Variants in HSPG2 observed in about 807,000 individuals in gnomAD.
HSPG2 encodes basement membrane-specific heparan sulfate proteoglycan core protein.
A neutral mutation model predicts 526.6 loss-of-function variants in HSPG2; 278 were observed. That is an observed-to-expected ratio of 0.53 (90% confidence interval 0.48 to 0.58). The LOEUF (loss-of-function observed/expected upper bound fraction) is 0.58. Ranked by LOEUF, HSPG2 falls within the 20% of genes least tolerant of loss-of-function variation. The pLI, the probability that HSPG2 is intolerant of heterozygous loss-of-function variation, is 0.00. For missense variants in HSPG2, 5,354 were observed against 6,099.5 expected (o/e 0.88, Z 4.07); for synonymous variants, 2,465 against 2,555.4 (o/e 0.96, Z 1.07).
At position 21,831,536 on chromosome 1, in the gene HSPG2, G is replaced by A. The variant is rs371570218; in HGVS notation, c.11379C>T (p.Asn3793=). The A allele has an allele frequency of 4.2e-5, 67 of 1,614,016 alleles. No homozygotes were observed. Among genetic ancestry groups the A allele is most frequent in the African/African-American group, 2.7e-5 (2 of 74,926 alleles). Residue 3793 remains asparagine (N), a synonymous_variant, in exon 83 of 97, where the codon AAC becomes AAT. Coordinates refer to ENST00000374695, the MANE Select transcript of HSPG2 (RefSeq NM_005529.7). ...SQGKFQGLDL[N]EELYLGGYPD... ...GATAGCCACCCAGGTAGAGTTCCTCGTTCAGATCCAGGCCCTGGAACTTGC... is the reference window on the plus strand; with the variant it reads ...GATAGCCACCCAGGTAGAGTTCCTCATTCAGATCCAGGCCCTGGAACTTGC...
In HSPG2 at chr1:21,874,745, T is replaced by C. The variant is rs767471352; in HGVS notation, c.3415-16A>G. The stretch of plus-strand genomic sequence containing the variant: ...TGTCACAGTCCTGGGGGCAGAAAGA[T>C]GGCAGTGGGAGGGACTTCCGAACAC... On this transcript the variant is annotated splice_polypyrimidine_tract_variant and intron_variant, in intron 26 of 96. Coordinates refer to ENST00000374695, the MANE Select transcript of HSPG2 (RefSeq NM_005529.7). 1.3e-5 allele frequency: 21 copies of C among 1,585,092 alleles called. No individual in the cohort carries two copies. Among genetic ancestry groups the C allele is most frequent in the Non-Finnish European group, 1.8e-5 (21 of 1,164,020 alleles).
chr1:21,862,756 G>A (rs1039198909), intron 37 of HSPG2, among the ~76,000 whole-genome samples: 23 of 151,992 alleles, frequency 1.5e-4, no homozygotes, highest in Non-Finnish European at 2.9e-4. Context: ...TATACACTCA[G>A]GTATTTGGGG....
At position 21,829,009 on chromosome 1, in the gene HSPG2, G is replaced by C; in HGVS notation, c.12063C>G (p.Leu4021=). ...GRWHRVSAER[L]NKDGSLRVNG... The stretch of plus-strand genomic sequence containing the variant: ...TCACCCGCAGGCTGCCGTCCTTGTT[G>C]AGACGCTCTGCAGACACACGGTGCC... The change falls in exon 88 of 97, where the codon CTC becomes CTG. Residue 4021 remains leucine, a synonymous_variant. Coordinates refer to ENST00000374695, the MANE Select transcript of HSPG2 (RefSeq NM_005529.7). The C allele has an allele frequency of 6.4e-7, 1 of 1,562,672 alleles. No individual in the cohort carries two copies. Among genetic ancestry groups the C allele is most frequent in the Non-Finnish European group, 8.7e-7 (1 of 1,154,224 alleles).
intron 50 of HSPG2, among the ~76,000 whole-genome samples, 159 bp from the exon 51 acceptor site, chr1:21,853,229 C>T (rs997826069): frequency 4.6e-5 from 7 of 152,194 alleles, no homozygotes; most frequent in South Asian, 2.1e-4. Flanking sequence ...CATGGCCAGC[C>T]GAATATGGCT....
In HSPG2 at chr1:21,875,491, A is replaced by G. The variant is rs951272384; in HGVS notation, c.3302+138T>C. 3 of 741,022 alleles carry G rather than the reference A, an allele frequency of 4.0e-6. No homozygotes were observed. In the Admixed American group the frequency reaches 6.0e-5, roughly 15 times the overall value. 45.9% of individuals were successfully genotyped at this position (741,022 alleles called of 1,614,324 possible). A position where few individuals can be genotyped will look rare whatever the true frequency, so the allele number is the denominator to read the frequency against. ...ACCAGCCTGTATGGGAGACATTGTT[A>G]AGACTCTCCGTTTTACAGACAGGGA... On this transcript the variant is annotated intron_variant, in intron 25 of 96. Coordinates refer to ENST00000374695, the MANE Select transcript of HSPG2 (RefSeq NM_005529.7).
At position 21,886,065 on chromosome 1, in the gene HSPG2, G is replaced by A. The variant is rs532624964; in HGVS notation, c.1079-614C>T. Among the ~76,000 whole-genome samples the A allele has an allele frequency of 1.2e-4, 18 of 152,346 alleles. No individual in the cohort carries two copies. In the East Asian group the frequency reaches 2.7e-3, roughly 23 times the overall value. On this transcript the variant is annotated intron_variant, in intron 9 of 96. Coordinates refer to ENST00000374695, the MANE Select transcript of HSPG2 (RefSeq NM_005529.7). ...AGAGAAGTCACAGCCATGCAGGAGC[G>A]GAAGCCGCGCATCCACAGAGCAGGT...
chr1:21,868,860 T>A, intron 33 of HSPG2: 1 of 868,124 alleles, frequency 1.2e-6, no homozygotes, highest in Non-Finnish European at 1.4e-6. Context: ...ATGACACCCC[T>A]ATAATCCCCC....
Position 21,842,894 on chromosome 1 carries a change from A to T in HSPG2, c.8786T>A (p.Ile2929Asn), listed in dbSNP as rs2098055144. Reference sequence around the variant, plus strand: ...AGTCACGTGTGAAGAGGAGGCCTCGATGTAGATGGGCTGGGCCAGTCCTGG... The same window carrying T: ...AGTCACGTGTGAAGAGGAGGCCTCGTTGTAGATGGGCTGGGCCAGTCCTGG... Reference protein sequence around the residue: ...PAPGLAQPIYIEASSSHVTEG... With the variant: ...PAPGLAQPIYNEASSSHVTEG... Residue 2929 changes from isoleucine to asparagine, a missense_variant, in exon 67 of 97, where the codon ATC (isoleucine) becomes AAC (asparagine). Ile to Asn is a moderately radical substitution (Grantham distance 149). Transcript: ENST00000374695. The T allele has an allele frequency of 6.2e-7, 1 of 1,613,904 alleles. No individual in the cohort carries two copies.
At chr1:21,934,074 T>G (rs946980108) in intron 1 of HSPG2, among the ~76,000 whole-genome samples, 1 of 151,510 alleles carries the variant, frequency 6.6e-6, no homozygotes, top group Non-Finnish European at 1.5e-5. Flanking sequence ...GCCTGCCGAG[T>G]CACCCAGGCC....
intron 1 of HSPG2, among the ~76,000 whole-genome samples, chr1:21,936,264 T>A (rs1221632471): frequency 1.3e-5 from 2 of 152,160 alleles, no homozygotes; most frequent in African/African-American, 4.8e-5. Flanking sequence ...GCTGGCCAAG[T>A]GCCTTCTAAG....
At position 21,839,537 on chromosome 1, in the gene HSPG2, G is replaced by A. The variant is rs971142436; in HGVS notation, c.9723C>T (p.Pro3241=). Residue 3241 remains proline, a synonymous_variant, in exon 73 of 97, where the codon CCC becomes CCT. Coordinates refer to ENST00000374695, the MANE Select transcript of HSPG2 (RefSeq NM_005529.7). The surrounding 1 kb of genome is among the most constrained non-coding windows in gnomAD (Gnocchi z 4.5). The part of the protein sequence containing the change: ...LRCSATGSPA[P]TIHWSKLRSP... ...AACGCAGCTTGGACCAGTGGATGGTGGGCGCGGGGCTGCCTGTGGAGTCGA... is the reference window on the plus strand; with the variant it reads ...AACGCAGCTTGGACCAGTGGATGGTAGGCGCGGGGCTGCCTGTGGAGTCGA... The A allele has an allele frequency of 2.5e-6, 4 of 1,613,818 alleles. No individual in the cohort carries two copies. The highest frequency in any genetic ancestry group is 2.7e-5 in the African/African-American group (2 of 74,908).
rs1638906781 is a variant in HSPG2, at chr1:21,851,649, A to AGGAGGG, written c.7054_7055insCCCTCC (p.Val2352delinsAlaLeuLeu). 1 of 1,613,808 alleles carries AGGAGGG rather than the reference A, an allele frequency of 6.2e-7. No homozygotes were observed. Among genetic ancestry groups the AGGAGGG allele is most frequent in the Non-Finnish European group, 8.5e-7 (1 of 1,180,022 alleles). ...CAGATCCAGGGTCTGCCCTTCCGCC[A>AGGAGGG]CTTGCGAGGAGGAGGGCTCGATGCG... On this transcript the variant is annotated protein_altering_variant, in exon 55 of 97. Transcript: ENST00000374695.
At chr1:21,878,100 T>C (rs1018170829) in intron 21 of HSPG2, 86 bp downstream of exon 21, 75 of 1,252,638 alleles carry the variant, frequency 6.0e-5, no homozygotes, top group Non-Finnish European at 8.3e-5. Context: ...CAAGGATCTA[T>C]GGAGAGGACG....
chr1:21,888,192 A>G, intron 6 of HSPG2, 126 bp from the exon 7 acceptor site: 1 of 1,262,498 alleles, frequency 7.9e-7, no homozygotes, highest in Non-Finnish European at 1.1e-6. Context: ...TCTGGCAGGC[A>G]CAACGAGGGC....
chr1:21,875,589 C>A (rs757276438), intron 25 of HSPG2, 40 bp downstream of exon 25: 1 of 1,517,826 alleles, frequency 6.6e-7, no homozygotes, highest in Non-Finnish European at 9.0e-7. Context: ...GGAGCCCCTC[C>A]CCAAGCCCAT....
intron 14 of HSPG2, 125 bp downstream of exon 14, chr1:21,881,213 AG>A: frequency 5.2e-6 from 6 of 1,143,554 alleles, no homozygotes; most frequent in South Asian, 2.5e-5. Flanking sequence ...CCGCTGCCAC[AG>A]GGGGCTGCAT....
At position 21,865,596 on chromosome 1, in the gene HSPG2, C is replaced by T; in HGVS notation, c.4314+121G>A. 1.0e-6 allele frequency: 1 copy of T among 957,084 alleles called. No homozygotes were observed. The highest frequency in any genetic ancestry group is 1.7e-6 in the Non-Finnish European group (1 of 588,832). The allele number at this position is 957,084 out of a possible 1,614,324, so 59.3% of individuals were successfully genotyped here. A position where few individuals can be genotyped will look rare whatever the true frequency, so the allele number is the denominator to read the frequency against. On this transcript the variant is annotated intron_variant, in intron 34 of 96. Coordinates refer to ENST00000374695, the MANE Select transcript of HSPG2 (RefSeq NM_005529.7). The surrounding 1 kb of genome is among the most constrained non-coding windows in gnomAD (Gnocchi z 5.4). ...CAGGGATGTGGGGGCATGGGCCTAA[C>T]TCCCCCAGCCTGTGCCAGAAAACTG...
chr1:21,880,481 G>C lies in HSPG2; in HGVS notation c.2077C>G (p.Leu693Val). The change falls in exon 16 of 97, where the codon CTC (leucine) becomes GTC (valine). Residue 693 changes from leucine to valine, a missense_variant. Transcript: ENST00000374695. Reference sequence around the variant, plus strand: ...TTGGTGTTGTACACGGTCTGGATGAGCACGGCCTCCAGGCTCTGCAGCACC... The same window carrying C: ...TTGGTGTTGTACACGGTCTGGATGACCACGGCCTCCAGGCTCTGCAGCACC... ...LQVLQSLEAV[L>V]IQTVYNTKMA... is the part of the protein sequence containing the mutation. 2 of 1,613,822 alleles carry C rather than the reference G, an allele frequency of 1.2e-6. No individual in the cohort carries two copies. Among genetic ancestry groups the C allele is most frequent in the South Asian group, 2.2e-5 (2 of 91,074 alleles).
chr1:21,931,563 T>C (rs577849580), intron 1 of HSPG2, among the ~76,000 whole-genome samples: 1 of 152,162 alleles, frequency 6.6e-6, no homozygotes, highest in African/African-American at 2.4e-5. Flanking sequence ...CATATTCACT[T>C]CCTCCTCCAG....
Sources: gnomAD v4.1 joint callset for allele counts (sites outside exome capture counted in the v4.1 genomes callset) on GRCh38, gnomAD v4.1.1 for gene constraint, Gnocchi (gnomAD v3.1) non-coding constraint, MANE v1.5 for transcripts, NCBI Gene and HGNC (gene_info 2026-07-23, HGNC 2026-07-21) for gene names.